Variants in DIAPH3 observed in about 807,000 individuals in gnomAD.
DIAPH3 encodes the protein protein diaphanous homolog 3.
A neutral mutation model predicts 144.3 loss-of-function variants in DIAPH3; 117 were observed. That is an observed-to-expected ratio of 0.81 (90% CI 0.70 to 0.95). The LOEUF is 0.95. DIAPH3 is among the 40% of genes least tolerant of loss of function. The probability of loss-of-function intolerance (pLI) is 0.00; values close to 1 mark genes in which losing one functional copy is unlikely to be tolerated. For missense variants in DIAPH3, 1,421 were observed against 1,412.7 expected (o/e 1.01, Z -0.09); for synonymous variants, 519 against 488.9 (o/e 1.06, Z -0.81).
intron 4 of DIAPH3, among the ~76,000 whole-genome samples, chr13:60,071,440 A>C (rs1223772116): frequency 6.6e-6 from 1 of 152,160 alleles, no homozygotes; most frequent in African/African-American, 2.4e-5. Flanking sequence ...GGGAGGGAGG[A>C]CTGTGTAAGA....
intron 27 of DIAPH3, among the ~76,000 whole-genome samples, chr13:59,757,132 G>A (rs924832431): frequency 1.3e-5 from 2 of 151,924 alleles, no homozygotes; most frequent in Admixed American, 6.6e-5. Flanking sequence ...CCATTTTGTC[G>A]ATAGTAAAAA....
At chr13:59,859,427 G>T (rs1042072982) in intron 22 of DIAPH3, among the ~76,000 whole-genome samples, 1 of 152,010 alleles carries the variant, frequency 6.6e-6, no homozygotes, top group Non-Finnish European at 1.5e-5. Flanking sequence ...TATTTTTAAA[G>T]AACAAATTAT....
chr13:59,848,307 C>CTCTTT (rs2042774097), intron 22 of DIAPH3, among the ~76,000 whole-genome samples: 1 of 128,096 alleles, frequency 7.8e-6, no homozygotes, highest in Non-Finnish European at 1.6e-5. Flanking sequence ...AAAGTCAAAT[C>CTCTTT]TTTTTTTTTT....
intron 22 of DIAPH3, among the ~76,000 whole-genome samples, chr13:59,844,255 T>A (rs1375124750): frequency 6.6e-6 from 1 of 152,058 alleles, no homozygotes; most frequent in Non-Finnish European, 1.5e-5. Context: ...CTATATTTTA[T>A]GTCTTAAAAA....
At chr13:60,146,130 T>G (rs569859351) in intron 1 of DIAPH3, among the ~76,000 whole-genome samples, 10 of 152,254 alleles carry the variant, frequency 6.6e-5, no homozygotes, top group African/African-American at 2.4e-4. Flanking sequence ...ATCTGAAAAA[T>G]GAAGAGCACA....
intron 1 of DIAPH3, among the ~76,000 whole-genome samples, chr13:60,140,645 G>GT (rs1287301696): frequency 6.6e-6 from 1 of 151,784 alleles, no homozygotes; most frequent in Non-Finnish European, 1.5e-5. Flanking sequence ...GGATTTGTGG[G>GT]TTTTTTTCAT....
At chr13:59,939,699 C>T (rs2048429763) in intron 17 of DIAPH3, among the ~76,000 whole-genome samples, 1 of 152,140 alleles carries the variant, frequency 6.6e-6, no homozygotes, top group Non-Finnish European at 1.5e-5. Context: ...GCCAAGTTAA[C>T]AATGAAATGG....
At chr13:59,967,286 G>A (rs2140539059) in intron 17 of DIAPH3, among the ~76,000 whole-genome samples, 1 of 151,704 alleles carries the variant, frequency 6.6e-6, no homozygotes, top group South Asian at 2.1e-4. Flanking sequence ...TGTTGGCCAG[G>A]CTGGTCTCAA....
At chr13:59,762,315 C>T (rs2037644586) in intron 27 of DIAPH3, among the ~76,000 whole-genome samples, 1 of 152,090 alleles carries the variant, frequency 6.6e-6, no homozygotes, top group South Asian at 2.1e-4. Context: ...CCGCCTCAGC[C>T]TCCCAAAGTG....
intron 17 of DIAPH3, among the ~76,000 whole-genome samples, chr13:59,930,103 A>C (rs1334917381): frequency 1.3e-5 from 2 of 152,166 alleles, no homozygotes; most frequent in Admixed American, 1.3e-4. Flanking sequence ...TAGGTATCCA[A>C]AGGACATTTG....
At chr13:60,061,088 T>C (rs1347351426) in intron 4 of DIAPH3, among the ~76,000 whole-genome samples, 1 of 152,002 alleles carries the variant, frequency 6.6e-6, no homozygotes, top group Non-Finnish European at 1.5e-5. Context: ...ATGTCCCAAT[T>C]GTTGCCTAGA....
At chr13:59,857,650 C>T (rs1423295542) in intron 22 of DIAPH3, among the ~76,000 whole-genome samples, 1 of 152,158 alleles carries the variant, frequency 6.6e-6, no homozygotes, top group East Asian at 1.9e-4. Context: ...TCTAGAGCAG[C>T]AGTTCCTAAA....
chr13:59,910,176 T>TGA (rs1555331719), intron 20 of DIAPH3, among the ~76,000 whole-genome samples: 1 of 144,546 alleles, frequency 6.9e-6, no homozygotes. Flanking sequence ...AAAACATAGG[T>TGA]AAAAAAAAAA....
intron 4 of DIAPH3, among the ~76,000 whole-genome samples, chr13:60,054,599 T>A (rs2056486711): frequency 6.6e-6 from 1 of 151,964 alleles, no homozygotes; most frequent in Admixed American, 6.6e-5. Flanking sequence ...AAGAATGAGA[T>A]GATATGAAAT....
At chr13:59,825,090 GGTTA>G (rs1356139529) in intron 24 of DIAPH3, among the ~76,000 whole-genome samples, 10 of 151,906 alleles carry the variant, frequency 6.6e-5, no homozygotes, top group African/African-American at 2.4e-4. Context: ...ACAATGTGCA[GGTTA>G]GTTACATATG....
chr13:59,762,292 C>T (rs377538811), intron 27 of DIAPH3, among the ~76,000 whole-genome samples: 5 of 151,970 alleles, frequency 3.3e-5, no homozygotes, highest in African/African-American at 1.2e-4. Flanking sequence ...GATCTCCTGA[C>T]ATTGTGATCT....
intron 27 of DIAPH3, among the ~76,000 whole-genome samples, chr13:59,717,562 C>A (rs900296134): frequency 1.3e-5 from 2 of 152,150 alleles, no homozygotes; most frequent in African/African-American, 4.8e-5. Context: ...TACTTTCTAG[C>A]CACATGTCTC....
intron 21 of DIAPH3, among the ~76,000 whole-genome samples, chr13:59,867,016 T>G (rs1242668057): frequency 6.6e-6 from 1 of 150,760 alleles, no homozygotes; most frequent in Non-Finnish European, 1.5e-5. Flanking sequence ...TGTTTGTGTG[T>G]GTATTTGAGA....
chr13:59,924,110 T>C (rs1023378105), intron 18 of DIAPH3, among the ~76,000 whole-genome samples: 3 of 152,178 alleles, frequency 2.0e-5, no homozygotes, highest in Non-Finnish European at 4.4e-5. Flanking sequence ...ATACAGACCA[T>C]AGTATATCAT....
Sources: gnomAD v4.1 joint callset for allele counts (sites outside exome capture counted in the v4.1 genomes callset) on GRCh38, gnomAD v4.1.1 for gene constraint, MANE v1.5 for transcripts, NCBI Gene and HGNC (gene_info 2026-07-23, HGNC 2026-07-21) for gene names.